Variants in FNDC3B observed in about 807,000 individuals in gnomAD.
FNDC3B encodes fibronectin type III domain-containing protein 3B.
In FNDC3B, 12 loss-of-function variants were observed where a neutral mutation model predicts 151.5. That is an observed-to-expected ratio of 0.08 (90% CI 0.05 to 0.13). The LOEUF (loss-of-function observed/expected upper bound fraction) is 0.13. Among genes scored for constraint, FNDC3B ranks in the 10% least tolerant of loss-of-function variants. The pLI is 1.00. For missense variants in FNDC3B, 1,214 were observed against 1,505.3 expected, an observed-to-expected ratio of 0.81 and a Z score of 3.20; for synonymous variants, 528 against 549.0, an observed-to-expected ratio of 0.96 and a Z score of 0.54.
chr3:172,178,734 G>T (rs1032388042), intron 3 of FNDC3B, among the ~76,000 whole-genome samples: 3 of 152,140 alleles, frequency 2.0e-5, no homozygotes, highest in African/African-American at 7.2e-5. Flanking sequence ...GATGGTAAAG[G>T]TGATAAAAGT....
chr3:172,299,334 A>AT (rs1443934534), intron 9 of FNDC3B, among the ~76,000 whole-genome samples: 1 of 152,100 alleles, frequency 6.6e-6, no homozygotes, highest in Non-Finnish European at 1.5e-5. Context: ...CTCTCCTGTG[A>AT]TTTTCTGGAA....
Position 172,346,357 on chromosome 3 carries a change from A to G in FNDC3B, c.2281A>G (p.Thr761Ala). ...TCCCTATTCTGATGTCTCAGAAATT[A>G]CCACTGCTGCAGGGCCTCCTGGACA... is the stretch of plus-strand genomic sequence containing the variant. ...YGPYSDVSEI[T>A]TAAGPPGQCK... Residue 761 changes from threonine to alanine, a missense_variant, in exon 20 of 26, where the codon ACC (threonine) becomes GCC (alanine). This residue lies in a region of FNDC3B where 380 missense variants were observed against 420.9 expected (regional missense o/e 0.90). Transcript: ENST00000415807. The G allele has an allele frequency of 4.3e-6, 7 of 1,613,220 alleles. No homozygotes were observed. Among genetic ancestry groups the G allele is most frequent in the Non-Finnish European group, 5.9e-6 (7 of 1,179,314 alleles).
At chr3:172,326,368 CTTTCTAGGTGTCCCTAAG>C (rs1482990693) in intron 11 of FNDC3B, among the ~76,000 whole-genome samples, 2 of 152,206 alleles carry the variant, frequency 1.3e-5, no homozygotes, top group Non-Finnish European at 2.9e-5. Context: ...AACTCTGGAT[CTTTCTAGGTGTCCCTAAG>C]TTTATGCACA....
intron 1 of FNDC3B, among the ~76,000 whole-genome samples, chr3:172,086,167 C>A (rs968668596): frequency 5.2e-4 from 79 of 152,046 alleles, no homozygotes; most frequent in Admixed American, 3.4e-3. Context: ...TTGAGACTGG[C>A]CTGGGCAACA....
chr3:172,108,176 G>GA (rs374220718), intron 1 of FNDC3B, among the ~76,000 whole-genome samples: 50 of 135,448 alleles, frequency 3.7e-4, no homozygotes, highest in Non-Finnish European at 4.9e-4. Context: ...TCAAAAAAAA[G>GA]AAAAAAAAAA....
chr3:172,136,174 G>A (rs538317499), intron 3 of FNDC3B, among the ~76,000 whole-genome samples: 4 of 152,302 alleles, frequency 2.6e-5, no homozygotes, highest in South Asian at 4.1e-4. Context: ...CTTGACAACA[G>A]CAAGGTTAAG....
intron 3 of FNDC3B, among the ~76,000 whole-genome samples, chr3:172,189,188 G>C (rs9882731): frequency 0.45 from 68,839 of 152,026 alleles, 16,430 homozygotes; most frequent in Non-Finnish European, 0.53. Context: ...AAAAATGTAA[G>C]TTGCTTTCTA....
chr3:172,318,851 G>A (rs1166323106), intron 11 of FNDC3B, among the ~76,000 whole-genome samples: 2 of 152,232 alleles, frequency 1.3e-5, no homozygotes, highest in Non-Finnish European at 2.9e-5. Flanking sequence ...CCACTGCCAT[G>A]TCTTACGGTT....
chr3:172,371,865 A>G (rs1169868207), intron 23 of FNDC3B, among the ~76,000 whole-genome samples: 1 of 152,198 alleles, frequency 6.6e-6, no homozygotes, highest in Non-Finnish European at 1.5e-5. Flanking sequence ...AGCTTTTCCA[A>G]CCTTGTAAAA....
intron 3 of FNDC3B, among the ~76,000 whole-genome samples, chr3:172,226,282 G>A (rs1726569432): frequency 6.9e-6 from 1 of 145,688 alleles, no homozygotes; most frequent in South Asian, 2.2e-4. Context: ...TCCAGCCTTG[G>A]TGACAAGTGC....
At chr3:172,256,722 C>A (rs903081514) in intron 6 of FNDC3B, among the ~76,000 whole-genome samples, 5 of 152,106 alleles carry the variant, frequency 3.3e-5, no homozygotes, top group Non-Finnish European at 7.4e-5. Flanking sequence ...CAGTTATAGC[C>A]CCTCAGAAAG....
intron 3 of FNDC3B, among the ~76,000 whole-genome samples, chr3:172,152,587 T>TTTTC (rs1314419645): frequency 6.6e-6 from 1 of 151,410 alleles, no homozygotes; most frequent in Non-Finnish European, 1.5e-5. Flanking sequence ...GCTTTTTTTT[T>TTTTC]TTTTTTTCTT....
At chr3:172,161,127 A>G (rs1722742834) in intron 3 of FNDC3B, among the ~76,000 whole-genome samples, 1 of 152,200 alleles carries the variant, frequency 6.6e-6, no homozygotes, top group Admixed American at 6.5e-5. Context: ...GTTATATAGA[A>G]CTGTCATTAG....
At chr3:172,369,270 A>G (rs1321709924) in intron 23 of FNDC3B, among the ~76,000 whole-genome samples, 1 of 152,218 alleles carries the variant, frequency 6.6e-6, no homozygotes, top group Non-Finnish European at 1.5e-5. Flanking sequence ...CCACTAAAAC[A>G]TTAGTAGGCA....
chr3:172,170,665 C>A (rs9864703), intron 3 of FNDC3B, among the ~76,000 whole-genome samples: 9,789 of 152,218 alleles, frequency 0.064, 808 homozygotes, highest in African/African-American at 0.19. Context: ...TGTGGGGAAT[C>A]TTACAAAGAA....
intron 1 of FNDC3B, among the ~76,000 whole-genome samples, chr3:172,077,422 G>T (rs537478969): frequency 1.3e-4 from 20 of 152,292 alleles, no homozygotes; most frequent in Admixed American, 5.9e-4. Context: ...GAATAGGATT[G>T]CATTGATCCA....
At chr3:172,262,176 T>A (rs562814277) in intron 6 of FNDC3B, among the ~76,000 whole-genome samples, 15 of 152,236 alleles carry the variant, frequency 9.9e-5, no homozygotes, top group Non-Finnish European at 1.6e-4. Flanking sequence ...GGGAAAAAAA[T>A]GGGCAGAAAA....
chr3:172,072,451 T>G lies in FNDC3B; in HGVS notation c.-29+32680T>G, dbSNP rs1485534589. On this transcript the variant is annotated intron_variant, in intron 1 of 25. Coordinates refer to ENST00000415807, the MANE Select transcript of FNDC3B (RefSeq NM_022763.4). The stretch of plus-strand genomic sequence containing the variant: ...GAAATAGTAATAATGTTAATAAAGG[T>G]GAAATTTTTACAAAGTGGATAATTG... Among the ~76,000 whole-genome samples the G allele has an allele frequency of 1.1e-4, 16 of 151,906 alleles. 1 individual carries two copies. In the South Asian group the frequency reaches 2.5e-3, roughly 24 times the overall value.
chr3:172,108,954 C>T (rs979117560), intron 1 of FNDC3B, among the ~76,000 whole-genome samples: 104 of 152,038 alleles, frequency 6.8e-4, no homozygotes, highest in African/African-American at 2.3e-3. Flanking sequence ...TTCCTTGCCT[C>T]GAAATAATTC....
Sources: allele counts gnomAD v4.1 joint callset (sites outside exome capture counted in the v4.1 genomes callset), GRCh38; gene constraint gnomAD v4.1.1; regional missense constraint gnomAD v4.1.1; transcripts MANE v1.5; gene names NCBI Gene and HGNC (gene_info 2026-07-23, HGNC 2026-07-21).